Variants in PIK3CD observed in about 807,000 individuals in gnomAD.
PIK3CD encodes the protein phosphatidylinositol-4,5-bisphosphate 3-kinase catalytic subunit delta.
Under a neutral mutation model 122.9 loss-of-function variants are expected in PIK3CD, and 20 were observed. The observed-to-expected ratio is 0.16, with a 90% CI of 0.11 to 0.24. PIK3CD has a LOEUF of 0.24. Among genes scored for constraint, PIK3CD ranks in the 10% least tolerant of loss-of-function variants. The pLI, the probability that PIK3CD is intolerant of heterozygous loss-of-function variation, is 1.00. For missense variants in PIK3CD, 787 were observed against 1,406.3 expected (o/e 0.56, Z 7.04); for synonymous variants, 596 against 593.4 (o/e 1.00, Z -0.06).
At chr1:9,686,512 T>C (rs1645973599) in intron 1 of PIK3CD, among the ~76,000 whole-genome samples, 1 of 152,108 alleles carries the variant, frequency 6.6e-6, no homozygotes, top group Non-Finnish European at 1.5e-5. Flanking sequence ...TAATTTACTC[T>C]GATTTTTCTT....
rs1017772805 is a variant in PIK3CD at position 9,715,720 on chromosome 1, C to T, written c.321C>T (p.Asp107=). The change falls in exon 4 of 24, where the codon GAC becomes GAT. Residue 107 remains aspartate (D), a synonymous_variant. Coordinates refer to ENST00000377346, the MANE Select transcript of PIK3CD (RefSeq NM_005026.5). This position sits in a 1 kb window ranked among gnomAD's most constrained non-coding sequence, Gnocchi z 4.1. ...TGCGCCTGGTGGCCCGTGAGGGCGA[C>T]CGCGTGAAGAAGCTCATCAACTCAC... The part of the protein sequence containing the change: ...PVLRLVAREG[D]RVKKLINSQI... 3 of 1,613,416 alleles carry T rather than the reference C, an allele frequency of 1.9e-6. No homozygotes were observed. The highest frequency in any genetic ancestry group is 2.7e-5 in the African/African-American group (2 of 74,960).
At chr1:9,673,244 C>T (rs1355231165) in intron 1 of PIK3CD, among the ~76,000 whole-genome samples, 1 of 151,684 alleles carries the variant, frequency 6.6e-6, no homozygotes, top group Non-Finnish European at 1.5e-5. Flanking sequence ...GGATCACACA[C>T]ACCTGGCTAA....
In PIK3CD at chr1:9,656,333, A is replaced by G. The variant is rs141235788; in HGVS notation, c.-138+4531A>G. Among the ~76,000 whole-genome samples, 930 of 152,300 alleles carry G rather than the reference A, an allele frequency of 6.1e-3. 18 individuals carry two copies. The highest frequency in any genetic ancestry group is 3.8e-3 in the Non-Finnish European group (260 of 68,026). ...TGACCATTCCAAATCCAAATATCTG[A>G]CATCTGAAATGCTCCAAGGAGCTTT... is the stretch of plus-strand genomic sequence containing the variant. On this transcript the variant is annotated intron_variant, in intron 1 of 23. Transcript: ENST00000377346.
In PIK3CD at chr1:9,718,268, G is replaced by A. The variant is rs568579851; in HGVS notation, c.1021-426G>A. The A allele has an allele frequency of 3.2e-5, 15 of 467,070 alleles. No individual in the cohort carries two copies. Among genetic ancestry groups the A allele is most frequent in the Non-Finnish European group, 5.5e-5 (13 of 236,064 alleles). 28.9% of individuals were successfully genotyped at this position (467,070 alleles called of 1,614,324 possible). ...GGACTGGATCAGAGGGACTTCCAGGGTGGTGGTGTCAGGTGGAATTGGAAG... is the reference window on the plus strand; with the variant it reads ...GGACTGGATCAGAGGGACTTCCAGGATGGTGGTGTCAGGTGGAATTGGAAG... On this transcript the variant is annotated intron_variant, in intron 8 of 23. Coordinates refer to ENST00000377346, the MANE Select transcript of PIK3CD (RefSeq NM_005026.5). The surrounding 1 kb of genome is among the most constrained non-coding windows in gnomAD (Gnocchi z 7.2).
rs758497669 is a variant in PIK3CD, at chr1:9,689,342, G to A, written c.-137-2125G>A. The stretch of plus-strand genomic sequence containing the variant: ...GGGCCTCCGGGCGAGAACAGCGGGG[G>A]TCGGGGAGGATTTGCAGCGTCCACT... On this transcript the variant is annotated intron_variant, in intron 1 of 23. Coordinates refer to ENST00000377346, the MANE Select transcript of PIK3CD (RefSeq NM_005026.5). This position sits in a 1 kb window ranked among gnomAD's most constrained non-coding sequence, Gnocchi z 6.1. Among the ~76,000 whole-genome samples, 10 of 152,068 alleles carry A rather than the reference G, an allele frequency of 6.6e-5. No homozygotes were observed. The highest frequency in any genetic ancestry group is 1.3e-4 in the Non-Finnish European group (9 of 67,976).
intron 1 of PIK3CD, chr1:9,653,771 C>G (rs1644751606): frequency 7.4e-7 from 1 of 1,359,042 alleles, no homozygotes; most frequent in Non-Finnish European, 9.9e-7. Flanking sequence ...CCATGGCCTG[C>G]TGGAGTTTCA....
At chr1:9,721,022 G>T in intron 13 of PIK3CD, 105 bp from the exon 14 acceptor site, 1 of 1,423,838 alleles carries the variant, frequency 7.0e-7, no homozygotes, top group South Asian at 1.2e-5. Context: ...CCTTCACCCT[G>T]ACCCTGGCCA....
At chr1:9,671,093 A>G (rs1422833827) in intron 1 of PIK3CD, among the ~76,000 whole-genome samples, 3 of 151,438 alleles carry the variant, frequency 2.0e-5, no homozygotes, top group Admixed American at 6.6e-5. Flanking sequence ...GTCTCACTCT[A>G]CTGTCCAGGG....
chr1:9,667,922 T>TTG (rs1557602492), intron 1 of PIK3CD, among the ~76,000 whole-genome samples: 1 of 146,412 alleles, frequency 6.8e-6, no homozygotes, highest in Non-Finnish European at 1.5e-5. Flanking sequence ...TTTTTTTTTT[T>TTG]TTTTTTTTTT....
At chr1:9,657,839 T>C (rs956413945) in intron 1 of PIK3CD, among the ~76,000 whole-genome samples, 15 of 151,916 alleles carry the variant, frequency 9.9e-5, no homozygotes, top group African/African-American at 3.6e-4. Context: ...CCCCAGGACA[T>C]GGTATGGGGC....
At chr1:9,630,312 G>A in the PIK3CD span, among the ~76,000 whole-genome samples, 2 of 152,234 alleles carry the variant, frequency 1.3e-5, no homozygotes, top group Non-Finnish European at 2.9e-5. Flanking sequence ...CTCCTTGAAG[G>A]GTGTGAAGGG....
At chr1:9,632,821 G>A in the PIK3CD span, among the ~76,000 whole-genome samples, 3 of 151,814 alleles carry the variant, frequency 2.0e-5, no homozygotes, top group Admixed American at 6.6e-5. Flanking sequence ...TTGGGAAGGC[G>A]GCTTCTAGGA....
At chr1:9,627,719 G>A in the PIK3CD span, among the ~76,000 whole-genome samples, 1 of 152,192 alleles carries the variant, frequency 6.6e-6, no homozygotes, top group South Asian at 2.1e-4. Flanking sequence ...AGGGAAGGGC[G>A]GCCAGGCCTC....
At position 9,710,652 on chromosome 1, in the gene PIK3CD, G is replaced by C; in HGVS notation, c.141+56G>C. 3.2e-6 allele frequency: 5 copies of C among 1,559,206 alleles called. No homozygotes were observed. The highest frequency in any genetic ancestry group is 1.4e-5 in the African/African-American group (1 of 73,844). On this transcript the variant is annotated intron_variant, in intron 3 of 23. Transcript: ENST00000377346. The surrounding 1 kb of genome is among the most constrained non-coding windows in gnomAD (Gnocchi z 4.7). ...GTGCTCAGAGAGAGAGAGAGAGAGA[G>C]AGACACAGATAGACAGACAGACAGA...
At chr1:9,675,870 ATCC>A (rs1177230296) in intron 1 of PIK3CD, among the ~76,000 whole-genome samples, 1 of 151,544 alleles carries the variant, frequency 6.6e-6, no homozygotes, top group African/African-American at 2.4e-5. Context: ...GGCTCAAGCA[ATCC>A]TCCTGCCTCA....
chr1:9,649,404 C>A (rs1644636601), upstream of PIK3CD, among the ~76,000 whole-genome samples: 1 of 151,946 alleles, frequency 6.6e-6, no homozygotes, highest in Non-Finnish European at 1.5e-5. Context: ...CTAATTTTTT[C>A]TATTTTTTTG....
chr1:9,668,091 C>A (rs905080694), intron 1 of PIK3CD, among the ~76,000 whole-genome samples: 4 of 151,882 alleles, frequency 2.6e-5, no homozygotes, highest in African/African-American at 9.7e-5. Flanking sequence ...GTTTAAATAG[C>A]TTTCTTTCTC....
the PIK3CD span, among the ~76,000 whole-genome samples, chr1:9,629,962 G>C: frequency 6.6e-6 from 1 of 152,250 alleles, no homozygotes; most frequent in African/African-American, 2.4e-5. Context: ...TGGGAAGGAA[G>C]CCCGGGGGTC....
chr1:9,649,407 T>C (rs1644636642), upstream of PIK3CD, among the ~76,000 whole-genome samples: 1 of 152,034 alleles, frequency 6.6e-6, no homozygotes, highest in South Asian at 2.1e-4. Context: ...ATTTTTTCTA[T>C]TTTTTTGTAG....
Sources: gnomAD v4.1 joint callset for allele counts (sites outside exome capture counted in the v4.1 genomes callset) on GRCh38, gnomAD v4.1.1 for gene constraint, Gnocchi (gnomAD v3.1) non-coding constraint, MANE v1.5 for transcripts, NCBI Gene and HGNC (gene_info 2026-07-23, HGNC 2026-07-21) for gene names.